The following ZNF180 variants were observed in gnomAD, a reference collection of about 807,000 sequenced individuals.
ZNF180 encodes zinc finger protein 180, also known as zinc finger protein 180 (HHZ168).
In ZNF180, 11 loss-of-function variants were observed where a neutral mutation model predicts 11.8. The observed-to-expected ratio is 0.93, with a 90% CI of 0.59 to 1.55. The LOEUF (loss-of-function observed/expected upper bound fraction) is 1.55. Ranked by LOEUF, ZNF180 falls within the 40% of genes most tolerant of loss-of-function variation. The pLI, the probability that ZNF180 is intolerant of heterozygous loss-of-function variation, is 0.00. For synonymous variants in ZNF180, 287 were observed against 257.7 expected (o/e 1.11, Z -1.09); for missense variants, 773 against 781.7 (o/e 0.99, Z 0.13).
At chr19:44,478,724 G>A (rs1310843766) in intron 4 of ZNF180, among the ~76,000 whole-genome samples, 1 of 152,192 alleles carries the variant, frequency 6.6e-6, no homozygotes, top group Non-Finnish European at 1.5e-5. Context: ...GAGACTAGAA[G>A]TTTGCTCCTA....
At chr19:44,494,831 C>A (rs1341547940) in intron 2 of ZNF180, among the ~76,000 whole-genome samples, 4 of 151,864 alleles carry the variant, frequency 2.6e-5, no homozygotes, top group African/African-American at 9.7e-5. Context: ...TTTGTAACAG[C>A]AAAAAAATGT....
At chr19:44,488,278 C>CTCTCCCTCTCTTTCCACGG (rs1162418436) in intron 2 of ZNF180, among the ~76,000 whole-genome samples, 19 of 140,344 alleles carry the variant, frequency 1.4e-4, no homozygotes, top group Non-Finnish European at 2.3e-4. Flanking sequence ...CACGGTCTCC[C>CTCTCCCTCTCTTTCCACGG]TCTCCCTCTC....
At chr19:44,498,292 A>T (rs1469187807) in intron 1 of ZNF180, among the ~76,000 whole-genome samples, 2 of 152,004 alleles carry the variant, frequency 1.3e-5, no homozygotes, top group Non-Finnish European at 2.9e-5. Flanking sequence ...GTGTTTTGGG[A>T]TCCAAGACTA....
In ZNF180 at chr19:44,479,317, C is replaced by T. The variant is rs994345006; in HGVS notation, c.219G>A (p.Val73=). 3 of 1,613,878 alleles carry T rather than the reference C, an allele frequency of 1.9e-6. No individual in the cohort carries two copies. The African/African-American group carries it at 4.0e-5, about 22-fold the overall frequency. The change falls in exon 4 of 5, where the codon GTG becomes GTA. Residue 73 remains valine, a synonymous_variant. Transcript: ENST00000592529. ...CTAGGTCCCTGTGGTTCTCCAGGATCACATCTCTGTCCAGGGTCCTCTGAG... is the reference window on the plus strand; with the variant it reads ...CTAGGTCCCTGTGGTTCTCCAGGATTACATCTCTGTCCAGGGTCCTCTGAG... ...NPAQRTLDRD[V]ILENHRDLVS...
chr19:44,476,238 CCT>C lies in ZNF180; in HGVS notation c.*162_*163del, dbSNP rs1170334212. The C allele has an allele frequency of 3.1e-6, 2 of 644,126 alleles. No homozygotes were observed. Among genetic ancestry groups the C allele is most frequent in the South Asian group, 6.1e-5 (2 of 32,716 alleles). The allele number at this position is 644,126 out of a possible 1,614,324, so 39.9% of individuals were successfully genotyped here. A position where few individuals can be genotyped will look rare whatever the true frequency, so the allele number is the denominator to read the frequency against. Reference sequence around the variant, plus strand: ...TGAAAAGTCGTTCATAGACTTTCCCCCTTTCTTTTCCAGAACAAATTTGAGAC... The same window carrying C: ...TGAAAAGTCGTTCATAGACTTTCCCCTTCTTTTCCAGAACAAATTTGAGAC... On this transcript the variant is annotated 3_prime_UTR_variant, in exon 5 of 5. Coordinates refer to ENST00000592529, the MANE Select transcript of ZNF180 (RefSeq NM_001278509.3).
chr19:44,485,412 T>C (rs1017439851), intron 2 of ZNF180, among the ~76,000 whole-genome samples: 3 of 152,232 alleles, frequency 2.0e-5, no homozygotes, highest in African/African-American at 7.2e-5. Flanking sequence ...CCAATTACAA[T>C]TCAATAACAC....
At position 44,500,367 on chromosome 19, in the gene ZNF180, C is replaced by A; in HGVS notation, c.-136G>T. On this transcript the variant is annotated 5_prime_UTR_variant, in exon 1 of 5. Transcript: ENST00000592529. ...GGCAGGACGAACTCGGGTTAGGCAA[C>A]CCCCTGCCCCGATTCTGCAACACGG... 8.4e-7 allele frequency: 1 copy of A among 1,189,256 alleles called. No individual in the cohort carries two copies. The highest frequency in any genetic ancestry group is 1.8e-5 in the Admixed American group (1 of 55,418). The allele number at this position is 1,189,256 out of a possible 1,614,324, so 73.7% of individuals were successfully genotyped here. A position where few individuals can be genotyped will look rare whatever the true frequency, so the allele number is the denominator to read the frequency against.
chr19:44,500,224 C>A (rs927752197), intron 1 of ZNF180, 51 bp downstream of exon 1: 2 of 1,614,116 alleles, frequency 1.2e-6, no homozygotes, highest in Non-Finnish European at 1.7e-6. Flanking sequence ...CCGCGTAGAC[C>A]CTGCGCATGC....
intron 2 of ZNF180, among the ~76,000 whole-genome samples, chr19:44,492,900 C>G (rs760840784): frequency 1.1e-4 from 16 of 152,148 alleles, no homozygotes; most frequent in Non-Finnish European, 2.2e-4. Flanking sequence ...GAAGGTGGAG[C>G]TCACATTTCA....
At chr19:44,490,536 T>TA (rs1472077537) in intron 2 of ZNF180, among the ~76,000 whole-genome samples, 2 of 152,010 alleles carry the variant, frequency 1.3e-5, no homozygotes, top group South Asian at 2.1e-4. Context: ...CATCTTTTCT[T>TA]AAAAAAATGC....
chr19:44,486,833 G>A lies in ZNF180; in HGVS notation c.52-2398C>T, dbSNP rs191020888. Among the ~76,000 whole-genome samples the A allele has an allele frequency of 1.1e-3, 171 of 152,218 alleles. 1 individual carries two copies. Among genetic ancestry groups the A allele is most frequent in the Admixed American group, 4.4e-3 (67 of 15,278 alleles). On this transcript the variant is annotated intron_variant, in intron 2 of 4. Transcript: ENST00000592529. The stretch of plus-strand genomic sequence containing the variant: ...AGGTGGGCAGATTGCCTGAACTCAG[G>A]AGTTCGAGACCAGCCTGGTCAACAT...
Position 44,476,534 on chromosome 19 carries a change from A to C in ZNF180, c.1866T>G (p.Ile622Met). 1 of 1,614,154 alleles carries C rather than the reference A, an allele frequency of 6.2e-7. No homozygotes were observed. The highest frequency in any genetic ancestry group is 8.5e-7 in the Non-Finnish European group (1 of 1,179,996). ...CTCCAGTATGAGTTCTTTGATGCAC[A>C]ATAAGTCGAGCACTCAAGCTAAATG... ...GKTFSLSARL[I>M]VHQRTHTGEK... Residue 622 changes from isoleucine (I) to methionine (M), a missense_variant, in exon 5 of 5, where the codon ATT becomes ATG. By Grantham distance (10) the Ile-to-Met change is conservative. Transcript: ENST00000592529.
intron 2 of ZNF180, among the ~76,000 whole-genome samples, chr19:44,496,870 T>G (rs1007472818): frequency 6.6e-6 from 1 of 152,136 alleles, no homozygotes; most frequent in Non-Finnish European, 1.5e-5. Flanking sequence ...TTAACATAGG[T>G]AATAAATAAC....
In ZNF180 at chr19:44,477,135, C is replaced by G; in HGVS notation, c.1265G>C (p.Ser422Thr). The G allele has an allele frequency of 6.2e-7, 1 of 1,613,190 alleles. No homozygotes were observed. The highest frequency in any genetic ancestry group is 1.1e-5 in the South Asian group (1 of 91,050). Residue 422 changes from serine to threonine, a missense_variant, in exon 5 of 5, where the codon AGC becomes ACC. Physicochemically the swap from Ser to Thr is moderately conservative, Grantham distance 58. Transcript: ENST00000592529. ...CNQCGKSFRQ[S>T]YKLIAHQRTH... ...TCTTTGATGTGCAATAAGTTTATAGCTCTGCCTGAATGACTTTCCACACTG... is the reference window on the plus strand; with the variant it reads ...TCTTTGATGTGCAATAAGTTTATAGGTCTGCCTGAATGACTTTCCACACTG...
rs751102849 is a variant in ZNF180 at position 44,497,320 on chromosome 19, A to C, written c.15T>G (p.Asp5Glu). Residue 5 changes from aspartate (D) to glutamate (E), a missense_variant, in exon 2 of 5, where the codon GAT becomes GAG. Transcript: ENST00000592529. ...CCTTCGGGGGCTCTGGGGGCTTCTC[A>C]TCCTGCTCTTCCATGCTCTCCTCCA... MEEQ[D>E]EKPPEPPKVC... The C allele has an allele frequency of 5.3e-5, 84 of 1,596,408 alleles. No individual in the cohort carries two copies. Among genetic ancestry groups the C allele is most frequent in the Non-Finnish European group, 6.8e-5 (80 of 1,174,282 alleles).
At position 44,476,631 on chromosome 19, in the gene ZNF180, CTCTG is replaced by C; in HGVS notation, c.1765_1768del (p.Gln589ValfsTer28). 6.2e-7 allele frequency: 1 copy of C among 1,614,130 alleles called. No homozygotes were observed. The highest frequency in any genetic ancestry group is 8.5e-7 in the Non-Finnish European group (1 of 1,179,994). The stretch of plus-strand genomic sequence containing the variant: ...TCTCTGATGTTGAGTAAGGCATGAA[CTCTG>C]TCTGAAGGACTTCCCACATTGACTG... On this transcript the variant is annotated frameshift_variant, in exon 5 of 5. Coordinates refer to ENST00000592529, the MANE Select transcript of ZNF180 (RefSeq NM_001278509.3). LOFTEE classifies it low-confidence loss of function (END_TRUNC).
At chr19:44,488,918 C>T (rs1402344007) in intron 2 of ZNF180, among the ~76,000 whole-genome samples, 1 of 151,316 alleles carries the variant, frequency 6.6e-6, no homozygotes, top group East Asian at 2.0e-4. Flanking sequence ...CTGGCAACCG[C>T]CCCGTCTGAG....
At chr19:44,499,255 G>T (rs1281246356) in intron 1 of ZNF180, among the ~76,000 whole-genome samples, 1 of 152,202 alleles carries the variant, frequency 6.6e-6, no homozygotes, top group African/African-American at 2.4e-5. Context: ...GCCCAATCAT[G>T]ACGGCCTGGG....
chr19:44,484,233 C>T, intron 3 of ZNF180, 128 bp downstream of exon 3: 1 of 727,246 alleles, frequency 1.4e-6, no homozygotes, highest in Non-Finnish European at 2.5e-6. Context: ...CTCCTGACCT[C>T]ATGATCTGCC....
Sources: allele counts gnomAD v4.1 joint callset (sites outside exome capture counted in the v4.1 genomes callset), GRCh38; gene constraint gnomAD v4.1.1; transcripts MANE v1.5; gene names NCBI Gene and HGNC (gene_info 2026-07-23, HGNC 2026-07-21).